Variants in MAP4K4 observed in about 807,000 individuals in gnomAD.
The protein encoded by MAP4K4 is HPK/GCK-like kinase HGK.
Under a neutral mutation model 189.6 loss-of-function variants are expected in MAP4K4, and 38 were observed. That is an observed-to-expected ratio of 0.20 (90% CI 0.15 to 0.26). The LOEUF is 0.26. Ranked by LOEUF, MAP4K4 falls within the 10% of genes least tolerant of loss-of-function variation. The probability of loss-of-function intolerance (pLI) is 1.00; values close to 1 mark genes in which losing one functional copy is unlikely to be tolerated. For synonymous variants in MAP4K4, 610 were observed against 624.3 expected (o/e 0.98, Z 0.34); for missense variants, 1,054 against 1,726.9 (o/e 0.61, Z 6.91).
chr2:101,725,696 A>G (rs929539709), intron 2 of MAP4K4, among the ~76,000 whole-genome samples: 2 of 152,196 alleles, frequency 1.3e-5, no homozygotes, highest in Non-Finnish European at 2.9e-5. Flanking sequence ...ATTCTCTCAC[A>G]CAGTGCCCTG....
At chr2:101,888,344 C>T (rs934345580) in intron 31 of MAP4K4, among the ~76,000 whole-genome samples, 5 of 152,134 alleles carry the variant, frequency 3.3e-5, no homozygotes, top group African/African-American at 1.2e-4. Context: ...TACAAACAGC[C>T]TTGTGCATAC....
chr2:101,699,883 C>T (rs1282255836), intron 2 of MAP4K4, among the ~76,000 whole-genome samples: 1 of 152,182 alleles, frequency 6.6e-6, no homozygotes, highest in Non-Finnish European at 1.5e-5. Context: ...ACTCAGCTTG[C>T]CCGGCTCAAC....
intron 3 of MAP4K4, among the ~76,000 whole-genome samples, chr2:101,795,322 C>T (rs902720339): frequency 6.6e-6 from 1 of 152,158 alleles, no homozygotes; most frequent in Non-Finnish European, 1.5e-5. Context: ...GATGATTTTA[C>T]GTTCTTCCTT....
intron 7 of MAP4K4, among the ~76,000 whole-genome samples, chr2:101,832,306 G>T (rs192854530): frequency 2.0e-5 from 3 of 152,194 alleles, no homozygotes; most frequent in Admixed American, 1.3e-4. Context: ...CTAGGGACTT[G>T]AGTCAGTAAC....
chr2:101,752,295 C>T (rs555952407), intron 2 of MAP4K4, among the ~76,000 whole-genome samples: 1 of 152,266 alleles, frequency 6.6e-6, no homozygotes, highest in Admixed American at 6.5e-5. Context: ...ATGGGAATCA[C>T]ACTTGGTCAT....
chr2:101,758,132 CTG>C (rs1051388202), intron 2 of MAP4K4, among the ~76,000 whole-genome samples: 76 of 152,322 alleles, frequency 5.0e-4, no homozygotes, highest in African/African-American at 1.7e-3. Context: ...CTGTGGTTGA[CTG>C]TGCATAACTG....
At chr2:101,732,675 C>T (rs919693208) in intron 2 of MAP4K4, among the ~76,000 whole-genome samples, 5 of 152,138 alleles carry the variant, frequency 3.3e-5, no homozygotes, top group Non-Finnish European at 5.9e-5. Flanking sequence ...CTGCAATCTC[C>T]GCCTCCTGAA....
intron 2 of MAP4K4, among the ~76,000 whole-genome samples, chr2:101,745,515 T>G (rs1405619511): frequency 2.0e-5 from 3 of 151,732 alleles, no homozygotes; most frequent in Admixed American, 6.6e-5. Context: ...TTTATATAGC[T>G]ACCTTTGGGC....
intron 2 of MAP4K4, among the ~76,000 whole-genome samples, chr2:101,779,740 C>T (rs1274696400): frequency 6.6e-6 from 1 of 151,300 alleles, no homozygotes; most frequent in East Asian, 1.9e-4. Flanking sequence ...TGCATTATTT[C>T]TGGTAAGGGA....
At chr2:101,781,332 C>T (rs1017739217) in intron 2 of MAP4K4, among the ~76,000 whole-genome samples, 36 of 152,100 alleles carry the variant, frequency 2.4e-4, no homozygotes, top group African/African-American at 8.7e-4. Context: ...CCACCTGACC[C>T]ACTGCCCAGC....
At chr2:101,813,662 G>A (rs916236548) in intron 3 of MAP4K4, among the ~76,000 whole-genome samples, 2 of 152,152 alleles carry the variant, frequency 1.3e-5, no homozygotes, top group Non-Finnish European at 2.9e-5. Context: ...TTGGAAGAGA[G>A]GATATGGGAC....
At chr2:101,869,678 C>T (rs190004512) in exon 22 of MAP4K4, 1 of 1,608,600 alleles carries the variant, frequency 6.2e-7, no homozygotes, top group Non-Finnish European at 8.5e-7. Flanking sequence ...GGCCACCTCA[C>T]AAAGTAACGG....
At chr2:101,857,043 G>T (rs148569805) in intron 13 of MAP4K4, among the ~76,000 whole-genome samples, 1 of 152,266 alleles carries the variant, frequency 6.6e-6, no homozygotes, top group East Asian at 1.9e-4. Context: ...ACTGTGTAGC[G>T]CGTGTGCTTT....
At chr2:101,825,257 A>T in intron 4 of MAP4K4, 62 bp from the exon 5 acceptor site, 1 of 992,550 alleles carries the variant, frequency 1.0e-6, no homozygotes. Context: ...CATGGCGGTT[A>T]AACTGGTTTT....
At chr2:101,832,505 A>G (rs2096620401) in intron 7 of MAP4K4, among the ~76,000 whole-genome samples, 1 of 152,246 alleles carries the variant, frequency 6.6e-6, no homozygotes. Flanking sequence ...TTTATTACAA[A>G]TATCCAATTA....
chr2:101,837,767 C>T (rs552427143), intron 9 of MAP4K4, among the ~76,000 whole-genome samples: 2 of 152,276 alleles, frequency 1.3e-5, no homozygotes, highest in Non-Finnish European at 2.9e-5. Context: ...ATGCTGTCTT[C>T]AGGGTACCTC....
At chr2:101,710,586 C>T (rs559169612) in intron 2 of MAP4K4, among the ~76,000 whole-genome samples, 17 of 152,224 alleles carry the variant, frequency 1.1e-4, no homozygotes, top group Admixed American at 7.8e-4. Context: ...CCTTGTGTAG[C>T]GTATAGCCTA....
chr2:101,773,737 A>G (rs2082577541), intron 2 of MAP4K4, among the ~76,000 whole-genome samples: 1 of 151,940 alleles, frequency 6.6e-6, no homozygotes, highest in African/African-American at 2.4e-5. Context: ...CTCCCCAACC[A>G]CACTTACCTT....
At chr2:101,763,775 C>T (rs56336235) in intron 2 of MAP4K4, among the ~76,000 whole-genome samples, 37,149 of 152,064 alleles carry the variant, frequency 0.24, 5,455 homozygotes, top group Non-Finnish European at 0.31. Context: ...TCATAGAATT[C>T]TGATCTGAAT....
Sources: gnomAD v4.1 joint callset for allele counts (sites outside exome capture counted in the v4.1 genomes callset) on GRCh38, gnomAD v4.1.1 for gene constraint, MANE v1.5 for transcripts, NCBI Gene and HGNC (gene_info 2026-07-23, HGNC 2026-07-21) for gene names.